DCDC1: variants seen among roughly 807,000 people sequenced by gnomAD.
The protein encoded by DCDC1 is doublecortin domain containing 1.
In DCDC1, 200 loss-of-function variants were observed where a neutral mutation model predicts 178.3. The observed-to-expected ratio is 1.12, with a 90% CI of 1.00 to 1.26. The LOEUF is 1.26. DCDC1 is among the 50% of genes most tolerant of loss of function. The pLI, the probability that DCDC1 is intolerant of heterozygous loss-of-function variation, is 0.00. For synonymous variants in DCDC1, 690 were observed against 604.8 expected, an observed-to-expected ratio of 1.14 and a Z score of -2.07; for missense variants, 1,983 against 1,749.2, an observed-to-expected ratio of 1.13 and a Z score of -2.38.
At chr11:30,945,790 T>G (rs957078803) in intron 21 of DCDC1, among the ~76,000 whole-genome samples, 2 of 151,764 alleles carry the variant, frequency 1.3e-5, no homozygotes. Context: ...ATGCACAATC[T>G]ATGAAATTTG....
At chr11:30,971,307 C>T (rs1228642414) in intron 20 of DCDC1, among the ~76,000 whole-genome samples, 1 of 151,962 alleles carries the variant, frequency 6.6e-6, no homozygotes, top group Admixed American at 6.5e-5. Flanking sequence ...AATAATTCTC[C>T]AGTAAGAGTC....
At position 31,107,591 on chromosome 11, in the gene DCDC1, A is replaced by G. The variant is rs115619472; in HGVS notation, c.1588-631T>C. Among the ~76,000 whole-genome samples, 246 of 152,338 alleles carry G rather than the reference A, an allele frequency of 1.6e-3. 3 individuals are homozygous for G. The highest frequency in any genetic ancestry group is 5.5e-3 in the African/African-American group (227 of 41,580). Reference sequence around the variant, plus strand: ...GAAAAGCTGTCATTTAATATTTAAGATAATAGCATTATCAGTGTTTGCTTC... The same window carrying G: ...GAAAAGCTGTCATTTAATATTTAAGGTAATAGCATTATCAGTGTTTGCTTC... On this transcript the variant is annotated intron_variant, in intron 12 of 38. Transcript: ENST00000684477.
chr11:30,920,750 C>A, intron 25 of DCDC1, 26 bp downstream of exon 25: 1 of 1,610,318 alleles, frequency 6.2e-7, no homozygotes, highest in Non-Finnish European at 8.5e-7. Flanking sequence ...AGCCAGGTAG[C>A]TTTTCAGGCT....
In DCDC1 at chr11:31,290,789, A is replaced by T; in HGVS notation, c.818T>A (p.Ile273Asn). 1 of 1,613,426 alleles carries T rather than the reference A, an allele frequency of 6.2e-7. No homozygotes were observed. The highest frequency in any genetic ancestry group is 1.3e-5 in the African/African-American group (1 of 74,990). ...TMNGLMLPTD[I>N]KRRKTKPVLS... is the part of the protein sequence containing the mutation. ...AACAGGCTTGGTTTTCCGTCTTTTG[A>T]TATCAGTAGGAAGCATCAACCCATT... is the stretch of plus-strand genomic sequence containing the variant. The change falls in exon 7 of 39, where the codon ATC becomes AAC. Residue 273 changes from isoleucine to asparagine, a missense_variant. By Grantham distance (149) the Ile-to-Asn change is moderately radical. Coordinates refer to ENST00000684477, the MANE Select transcript of DCDC1 (RefSeq NM_001387274.1).
At chr11:31,150,764 C>T (rs1965090758) in intron 9 of DCDC1, among the ~76,000 whole-genome samples, 1 of 151,932 alleles carries the variant, frequency 6.6e-6, no homozygotes, top group Non-Finnish European at 1.5e-5. Context: ...TATATCTTCT[C>T]AATTTTTAAA....
intron 20 of DCDC1, among the ~76,000 whole-genome samples, chr11:31,022,804 A>G (rs189531330): frequency 1.4e-4 from 22 of 151,794 alleles, no homozygotes; most frequent in African/African-American, 5.3e-4. Flanking sequence ...CCTGCCTCCA[A>G]CTAGATTATA....
intron 20 of DCDC1, among the ~76,000 whole-genome samples, chr11:30,975,696 T>C (rs1950064200): frequency 6.6e-6 from 1 of 152,010 alleles, no homozygotes; most frequent in Non-Finnish European, 1.5e-5. Context: ...AATACACTGA[T>C]GAAAGAAAAT....
intron 20 of DCDC1, among the ~76,000 whole-genome samples, chr11:30,968,092 T>G (rs1949549004): frequency 6.6e-6 from 1 of 152,144 alleles, no homozygotes; most frequent in African/African-American, 2.4e-5. Context: ...TCCCAGGAAC[T>G]GAGACAGTTT....
chr11:30,952,172 T>A (rs952003347), intron 21 of DCDC1, among the ~76,000 whole-genome samples: 1 of 152,186 alleles, frequency 6.6e-6, no homozygotes, highest in Admixed American at 6.6e-5. Flanking sequence ...CAGGGAGATA[T>A]AATATTTTGA....
chr11:30,926,779 C>T (rs1234966188), intron 22 of DCDC1, among the ~76,000 whole-genome samples: 1 of 152,124 alleles, frequency 6.6e-6, no homozygotes, highest in Non-Finnish European at 1.5e-5. Flanking sequence ...TCAGGCCCTC[C>T]ATTTCTCTAA....
At chr11:31,345,399 T>C (rs1950762496) in intron 1 of DCDC1, among the ~76,000 whole-genome samples, 2 of 152,176 alleles carry the variant, frequency 1.3e-5, no homozygotes, top group African/African-American at 4.8e-5. Flanking sequence ...CACCTTGTCA[T>C]GCTTAAAACA....
intron 10 of DCDC1, among the ~76,000 whole-genome samples, chr11:31,134,015 A>G (rs1408478023): frequency 6.6e-6 from 1 of 152,036 alleles, no homozygotes; most frequent in Non-Finnish European, 1.5e-5. Context: ...AATACTACCA[A>G]ATTTTTAATA....
chr11:30,965,333 A>G (rs993558184), intron 20 of DCDC1, among the ~76,000 whole-genome samples: 6 of 152,088 alleles, frequency 3.9e-5, no homozygotes, highest in Admixed American at 3.9e-4. Context: ...ATCATACCAC[A>G]AAAGAAATAT....
In DCDC1 at chr11:30,931,863, AG is replaced by A. The variant is rs1565091343; in HGVS notation, c.2804del (p.Pro935LeufsTer37). ...CATTCTGCAAAACTCTGAGTCGCAC[AG>A]GGGCATATGGCTCTGTTGTCTTACA... The part of the protein sequence containing the change: ...PICKTTEPYA[P>X]VRLRVLQNGE... On this transcript the variant is annotated frameshift_variant, in exon 22 of 39. Coordinates refer to ENST00000684477, the MANE Select transcript of DCDC1 (RefSeq NM_001387274.1). LOFTEE classifies it high-confidence loss of function. 6.2e-7 allele frequency: 1 copy of A among 1,613,194 alleles called. No homozygotes were observed. The highest frequency in any genetic ancestry group is 1.1e-5 in the South Asian group (1 of 91,032).
At position 31,265,568 on chromosome 11, in the gene DCDC1, T is replaced by G. The variant is rs535185661; in HGVS notation, c.993A>C (p.Leu331=). ...VLDTCTIRMN[L]NLPARYFYDL... ...CATAAAAATATCTGGCTGGTAAATTTAGATTCATTCTTATTGTACAAGTAT... is the reference window on the plus strand; with the variant it reads ...CATAAAAATATCTGGCTGGTAAATTGAGATTCATTCTTATTGTACAAGTAT... The change falls in exon 8 of 39, where the codon CTA becomes CTC. Residue 331 remains leucine (L), a synonymous_variant. Coordinates refer to ENST00000684477, the MANE Select transcript of DCDC1 (RefSeq NM_001387274.1). 8 of 1,436,276 alleles carry G rather than the reference T, an allele frequency of 5.6e-6. No homozygotes were observed. The highest frequency in any genetic ancestry group is 7.3e-6 in the Non-Finnish European group (8 of 1,089,458). The allele number at this position is 1,436,276 out of a possible 1,614,324, so 89.0% of individuals were successfully genotyped here.
chr11:31,356,650 T>G (rs994091376), intron 1 of DCDC1, among the ~76,000 whole-genome samples: 1 of 150,682 alleles, frequency 6.6e-6, no homozygotes, highest in East Asian at 1.9e-4. Context: ...ATCCAGGAGC[T>G]GGTTTTTTGA....
chr11:31,033,929 G>A (rs1953842093), intron 20 of DCDC1, among the ~76,000 whole-genome samples: 1 of 137,430 alleles, frequency 7.3e-6, no homozygotes, highest in South Asian at 2.1e-4. Context: ...CAGATCACCT[G>A]AGGCCAGGAG....
At chr11:31,199,084 C>G (rs148233203) in intron 9 of DCDC1, among the ~76,000 whole-genome samples, 1 of 151,882 alleles carries the variant, frequency 6.6e-6, no homozygotes, top group Non-Finnish European at 1.5e-5. Flanking sequence ...TAGCAAATTT[C>G]AAAGAAGTTA....
intron 9 of DCDC1, among the ~76,000 whole-genome samples, chr11:31,168,740 ACAG>A (rs1432140422): frequency 6.6e-6 from 1 of 152,198 alleles, no homozygotes; most frequent in Non-Finnish European, 1.5e-5. Context: ...CACTTGTGAG[ACAG>A]AAATAATAAT....
Sources: allele counts gnomAD v4.1 joint callset (sites outside exome capture counted in the v4.1 genomes callset), GRCh38; gene constraint gnomAD v4.1.1; transcripts MANE v1.5; gene names NCBI Gene and HGNC (gene_info 2026-07-23, HGNC 2026-07-21).